The following MMP16 variants were observed in gnomAD, a reference collection of about 807,000 sequenced individuals.
MMP16 encodes matrix metalloproteinase-16.
MMP16 carries 12 observed loss-of-function variants against 67.8 expected under a neutral mutation model. The observed-to-expected ratio is 0.18, with a 90% CI of 0.11 to 0.29. The LOEUF (loss-of-function observed/expected upper bound fraction) is 0.29, where lower values mean the gene tolerates loss of function less well. MMP16 is among the 10% of genes least tolerant of loss of function. MMP16 has a pLI of 1.00. For missense variants in MMP16, 475 were observed against 765.7 expected (o/e 0.62, Z 4.48); for synonymous variants, 249 against 255.9 (o/e 0.97, Z 0.26).
chr8:88,243,571 C>T (rs1368387462), intron 1 of MMP16, among the ~76,000 whole-genome samples: 2 of 152,118 alleles, frequency 1.3e-5, no homozygotes, highest in Non-Finnish European at 2.9e-5. Flanking sequence ...TGGAGGAAGG[C>T]AGAATGAGAT....
At chr8:88,065,168 C>T (rs1808449451) in intron 7 of MMP16, among the ~76,000 whole-genome samples, 1 of 152,112 alleles carries the variant, frequency 6.6e-6, no homozygotes, top group African/African-American at 2.4e-5. Flanking sequence ...TTTAATCTTT[C>T]ACATATTTAC....
chr8:88,084,725 T>C (rs191496148), intron 6 of MMP16, among the ~76,000 whole-genome samples: 37 of 152,126 alleles, frequency 2.4e-4, no homozygotes, highest in Admixed American at 2.0e-3. Context: ...TCTTGCAACT[T>C]TTCTGTATTT....
intron 6 of MMP16, among the ~76,000 whole-genome samples, chr8:88,086,098 G>A (rs1271157076): frequency 6.6e-6 from 1 of 151,798 alleles, no homozygotes; most frequent in East Asian, 1.9e-4. Flanking sequence ...AGCATAGAAA[G>A]AGCGAGCTGG....
chr8:88,073,557 T>C (rs1378984085), intron 7 of MMP16, among the ~76,000 whole-genome samples: 2 of 152,202 alleles, frequency 1.3e-5, no homozygotes, highest in African/African-American at 2.4e-5. Flanking sequence ...TTACAGCTAA[T>C]GGACTAAACT....
chr8:88,199,625 T>C (rs896777438), intron 1 of MMP16, among the ~76,000 whole-genome samples: 8 of 152,052 alleles, frequency 5.3e-5, no homozygotes, highest in African/African-American at 1.4e-4. Flanking sequence ...CCTAGTATTC[T>C]GCTATCCAAG....
At chr8:88,239,536 T>C (rs1434007295) in intron 1 of MMP16, among the ~76,000 whole-genome samples, 1 of 151,990 alleles carries the variant, frequency 6.6e-6, no homozygotes. Flanking sequence ...AAAATTTTTT[T>C]TTTTTTTTAA....
chr8:88,174,313 G>A (rs758303221), intron 3 of MMP16, among the ~76,000 whole-genome samples: 2 of 151,966 alleles, frequency 1.3e-5, no homozygotes, highest in African/African-American at 4.8e-5. Flanking sequence ...CTTAGATTTC[G>A]AAGAGAAAAA....
rs1455120715 is a variant in MMP16 at position 88,260,640 on chromosome 8, G to GA, written c.133-63335dup. ...AAATGATCTCTTCTACTTCTACCAA[G>GA]AAAAAAGCCAACTAACCAAAATTAT... On this transcript the variant is annotated intron_variant, in intron 1 of 9. Transcript: ENST00000286614. Among the ~76,000 whole-genome samples the GA allele has an allele frequency of 2.6e-5, 4 of 151,032 alleles. No homozygotes were observed. The East Asian group carries it at 7.8e-4, about 29-fold the overall frequency.
intron 1 of MMP16, among the ~76,000 whole-genome samples, chr8:88,270,554 A>G (rs1179993604): frequency 6.6e-6 from 1 of 152,208 alleles, no homozygotes; most frequent in East Asian, 1.9e-4. Flanking sequence ...TACATTTTGT[A>G]GATAAGGAAG....
At chr8:88,072,889 C>T (rs1040939605) in intron 7 of MMP16, among the ~76,000 whole-genome samples, 1 of 152,094 alleles carries the variant, frequency 6.6e-6, no homozygotes, top group Non-Finnish European at 1.5e-5. Context: ...GGAGGACATG[C>T]CTTTTATGCT....
intron 1 of MMP16, among the ~76,000 whole-genome samples, chr8:88,274,539 T>C (rs1181387182): frequency 6.6e-6 from 1 of 152,050 alleles, no homozygotes; most frequent in African/African-American, 2.4e-5. Flanking sequence ...ACAAAGTAGA[T>C]ACTAAAAAGA....
chr8:88,265,243 T>TTC (rs1554589926), intron 1 of MMP16, among the ~76,000 whole-genome samples: 1 of 149,170 alleles, frequency 6.7e-6, no homozygotes, highest in Non-Finnish European at 1.5e-5. Context: ...TTTTTTTTTT[T>TTC]CAGATACAGA....
chr8:88,125,708 GAT>G (rs1807920194), intron 4 of MMP16, among the ~76,000 whole-genome samples: 1 of 151,886 alleles, frequency 6.6e-6, no homozygotes, highest in Non-Finnish European at 1.5e-5. Context: ...AGCAAGATTG[GAT>G]ATAGTTAATT....
chr8:88,309,915 AT>A (rs1045085271), intron 1 of MMP16, among the ~76,000 whole-genome samples: 25 of 152,218 alleles, frequency 1.6e-4, no homozygotes, highest in Admixed American at 4.6e-4. Context: ...TTATTATGTG[AT>A]TATTCAGTCT....
intron 9 of MMP16, among the ~76,000 whole-genome samples, chr8:88,044,627 G>A (rs759490040): frequency 1.8e-4 from 28 of 152,074 alleles, no homozygotes; most frequent in Non-Finnish European, 2.1e-4. Context: ...ATAAATTAAC[G>A]AGGCTGTGTT....
At chr8:88,168,538 C>G (rs1808751501) in intron 3 of MMP16, among the ~76,000 whole-genome samples, 1 of 152,124 alleles carries the variant, frequency 6.6e-6, no homozygotes, top group African/African-American at 2.4e-5. Flanking sequence ...TGTGAGTAAA[C>G]AGCTATTTAA....
At chr8:88,104,253 TTAA>T (rs1409758857) in intron 6 of MMP16, among the ~76,000 whole-genome samples, 1 of 151,792 alleles carries the variant, frequency 6.6e-6, no homozygotes, top group Admixed American at 6.6e-5. Flanking sequence ...TGCATGTATT[TTAA>T]TAATAAAATT....
At chr8:88,296,838 C>G (rs1207528424) in intron 1 of MMP16, among the ~76,000 whole-genome samples, 1 of 140,352 alleles carries the variant, frequency 7.1e-6, no homozygotes, top group African/African-American at 2.7e-5. Flanking sequence ...AAGTCAGACA[C>G]TGCCTAAAAA....
chr8:88,162,715 G>A lies in MMP16; in HGVS notation c.709+4954C>T, dbSNP rs78153850. On this transcript the variant is annotated intron_variant, in intron 4 of 9. Coordinates refer to ENST00000286614, the MANE Select transcript of MMP16 (RefSeq NM_005941.5). ...TTTGCACTTTGCTGTTCTTGTGATA[G>A]TGAGTGAGTTCTAACGAGATCTGGT... 1.6e-3 allele frequency among the ~76,000 whole-genome samples: 248 copies of A among 152,054 alleles called. 6 individuals carry two copies. Among genetic ancestry groups the A allele is most frequent in the African/African-American group, 5.8e-3 (240 of 41,520 alleles).
Sources: gnomAD v4.1 joint callset for allele counts (sites outside exome capture counted in the v4.1 genomes callset) on GRCh38, gnomAD v4.1.1 for gene constraint, MANE v1.5 for transcripts, NCBI Gene and HGNC (gene_info 2026-07-23, HGNC 2026-07-21) for gene names.